ADGRV1: variants seen among roughly 807,000 people sequenced by gnomAD.
ADGRV1 encodes G-protein coupled receptor 98.
A neutral mutation model predicts 596.2 loss-of-function variants in ADGRV1; 359 were observed. The observed-to-expected ratio is 0.60, with a 90% CI of 0.55 to 0.66. ADGRV1 has a LOEUF of 0.66. Among genes scored for constraint, ADGRV1 ranks in the 30% least tolerant of loss-of-function variants. The pLI is 0.00. For synonymous variants in ADGRV1, 2,681 were observed against 2,679.2 expected (o/e 1.00, Z -0.02); for missense variants, 7,274 against 7,575.6 (o/e 0.96, Z 1.48).
At chr5:90,577,398 G>C (rs1257446360) in intron 1 of ADGRV1, among the ~76,000 whole-genome samples, 1 of 152,046 alleles carries the variant, frequency 6.6e-6, no homozygotes, top group Non-Finnish European at 1.5e-5. Context: ...TCTTGTTTTT[G>C]TCAGGTTTGT....
intron 53 of ADGRV1, among the ~76,000 whole-genome samples, chr5:90,751,073 G>A (rs1004022518): frequency 6.6e-6 from 1 of 152,150 alleles, no homozygotes; most frequent in Non-Finnish European, 1.5e-5. Flanking sequence ...TAAAACAGTC[G>A]GACTTATGAA....
chr5:90,834,611 G>A (rs1764803200), intron 77 of ADGRV1, among the ~76,000 whole-genome samples: 1 of 151,546 alleles, frequency 6.6e-6, no homozygotes, highest in South Asian at 2.1e-4. Context: ...ATTATTAAAT[G>A]CCTTGAGGTA....
chr5:90,784,699 C>CA (rs1561725178), intron 67 of ADGRV1, among the ~76,000 whole-genome samples: 1 of 151,884 alleles, frequency 6.6e-6, no homozygotes, highest in East Asian at 1.9e-4. Flanking sequence ...CCAGAGGGCC[C>CA]AATAGATGTT....
chr5:91,015,795 G>A (rs576886134), intron 85 of ADGRV1, among the ~76,000 whole-genome samples: 6 of 151,422 alleles, frequency 4.0e-5, no homozygotes, highest in East Asian at 1.9e-4. Flanking sequence ...AGATGACAGC[G>A]TACAATTGGG....
intron 85 of ADGRV1, among the ~76,000 whole-genome samples, chr5:91,041,653 A>G (rs541181568): frequency 4.7e-4 from 71 of 151,898 alleles, no homozygotes; most frequent in African/African-American, 1.6e-3. Context: ...AAAAAAAGAG[A>G]GAGAGAGAGA....
chr5:90,935,635 G>A (rs909434716), intron 83 of ADGRV1, among the ~76,000 whole-genome samples: 3 of 152,110 alleles, frequency 2.0e-5, no homozygotes, highest in Non-Finnish European at 2.9e-5. Context: ...TTGCTATTTA[G>A]TTCTTAAGTC....
At chr5:91,149,848 A>AC (rs1312018034) in intron 87 of ADGRV1, among the ~76,000 whole-genome samples, 182 bp from the exon 88 acceptor site, 9 of 150,070 alleles carry the variant, frequency 6.0e-5, no homozygotes, top group African/African-American at 2.2e-4. Context: ...AAAAAAAAAA[A>AC]AGAGAAAGAA....
intron 85 of ADGRV1, among the ~76,000 whole-genome samples, chr5:91,048,103 G>T (rs1785988083): frequency 1.3e-5 from 2 of 151,936 alleles, no homozygotes. Context: ...CTTTATTTCT[G>T]TCTCTTCTGG....
In ADGRV1 at chr5:90,592,154, T is replaced by A. The variant is rs146968503; in HGVS notation, c.23-22681T>A. Among the ~76,000 whole-genome samples, 859 of 152,366 alleles carry A rather than the reference T, an allele frequency of 5.6e-3. 10 individuals carry two copies. Among genetic ancestry groups the A allele is most frequent in the African/African-American group, 0.02 (836 of 41,578 alleles). The stretch of plus-strand genomic sequence containing the variant: ...AAAAGAAGTCATTATATGAAAAAGA[T>A]ACTTGCACATGCGTGTTTATAGCAG... On this transcript the variant is annotated intron_variant, in intron 1 of 89. Transcript: ENST00000405460.
intron 45 of ADGRV1, among the ~76,000 whole-genome samples, chr5:90,722,194 T>C (rs1751132995): frequency 6.6e-6 from 1 of 152,014 alleles, no homozygotes; most frequent in Non-Finnish European, 1.5e-5. Context: ...TGGTGGTAGC[T>C]TAGACTAGGT....
chr5:90,669,959 C>T (rs966967553), intron 21 of ADGRV1, among the ~76,000 whole-genome samples: 4 of 152,202 alleles, frequency 2.6e-5, no homozygotes, highest in African/African-American at 9.6e-5. Flanking sequence ...CTACACTCCC[C>T]CTGCTGTCGC....
At chr5:90,619,708 G>T (rs537722579) in intron 4 of ADGRV1, among the ~76,000 whole-genome samples, 1 of 150,994 alleles carries the variant, frequency 6.6e-6, no homozygotes, top group Non-Finnish European at 1.5e-5. Flanking sequence ...CCATTAACTC[G>T]TCATTTAGCA....
chr5:91,005,828 G>A (rs1016819520), intron 85 of ADGRV1, among the ~76,000 whole-genome samples: 6 of 152,190 alleles, frequency 3.9e-5, no homozygotes, highest in African/African-American at 1.4e-4. Context: ...CTCAAAACCA[G>A]TTATATCATT....
chr5:90,599,102 A>G (rs959537601), intron 1 of ADGRV1, among the ~76,000 whole-genome samples: 7 of 152,312 alleles, frequency 4.6e-5, no homozygotes, highest in Non-Finnish European at 1.0e-4. Flanking sequence ...TAGAGGCTTA[A>G]GGTAAGAAAA....
intron 48 of ADGRV1, among the ~76,000 whole-genome samples, chr5:90,726,061 A>G (rs1307310066): frequency 6.6e-6 from 1 of 152,330 alleles, no homozygotes; most frequent in African/African-American, 2.4e-5. Context: ...TGCTTATTTG[A>G]TAACTTTTGT....
chr5:90,637,169 T>A (rs1308061754), intron 10 of ADGRV1, among the ~76,000 whole-genome samples: 1 of 152,204 alleles, frequency 6.6e-6, no homozygotes, highest in Non-Finnish European at 1.5e-5. Context: ...AGAGGTTAAG[T>A]AACTTGCTCA....
At chr5:90,776,177 T>C (rs1758205453) in intron 60 of ADGRV1, among the ~76,000 whole-genome samples, 1 of 152,182 alleles carries the variant, frequency 6.6e-6, no homozygotes, top group South Asian at 2.1e-4. Flanking sequence ...AGAGGAGCCC[T>C]TGCTTTTCAT....
chr5:90,989,034 C>T (rs1168839117), intron 85 of ADGRV1, among the ~76,000 whole-genome samples: 1 of 152,018 alleles, frequency 6.6e-6, no homozygotes, highest in African/African-American at 2.4e-5. Context: ...TTAATCCAGT[C>T]TATCATTGTT....
chr5:91,018,336 C>T (rs755600211), intron 85 of ADGRV1, among the ~76,000 whole-genome samples: 5 of 151,910 alleles, frequency 3.3e-5, no homozygotes, highest in African/African-American at 1.2e-4. Context: ...TCTGCTGTCC[C>T]GGGACCTGGC....
Sources: allele counts gnomAD v4.1 joint callset (sites outside exome capture counted in the v4.1 genomes callset), GRCh38; gene constraint gnomAD v4.1.1; transcripts MANE v1.5; gene names NCBI Gene and HGNC (gene_info 2026-07-23, HGNC 2026-07-21).